The following EPM2A variants were observed in gnomAD, a reference collection of about 807,000 sequenced individuals.
The protein encoded by EPM2A is laforin.
A neutral mutation model predicts 26.5 loss-of-function variants in EPM2A; 21 were observed. That is an observed-to-expected ratio of 0.79 (90% confidence interval 0.56 to 1.14). The LOEUF (loss-of-function observed/expected upper bound fraction) is 1.14. EPM2A is among the 50% of genes most tolerant of loss of function. The pLI is 0.00. For missense variants in EPM2A, 458 were observed against 440.8 expected (o/e 1.04, Z -0.35); for synonymous variants, 217 against 177.6 (o/e 1.22, Z -1.76).
At chr6:145,559,306 C>T (rs867512315) in intron 2 of EPM2A, among the ~76,000 whole-genome samples, 1 of 152,160 alleles carries the variant, frequency 6.6e-6, no homozygotes, top group South Asian at 2.1e-4. Context: ...GACTATAGGT[C>T]CTGGAAAGCC....
intron 1 of EPM2A, among the ~76,000 whole-genome samples, chr6:145,723,800 T>C (rs1459745682): frequency 6.6e-6 from 1 of 152,048 alleles, no homozygotes; most frequent in Non-Finnish European, 1.5e-5. Context: ...AAGTGAGAGT[T>C]AAATACCAGA....
At chr6:145,604,756 G>A (rs1053102295) in intron 2 of EPM2A, among the ~76,000 whole-genome samples, 3 of 152,098 alleles carry the variant, frequency 2.0e-5, no homozygotes, top group African/African-American at 4.8e-5. Context: ...AAGAGAAAAC[G>A]AAGGCAATCT....
rs1483752018 is a variant in EPM2A at position 145,590,441 on chromosome 6, AT to A, written c.340+44803del. On this transcript the variant is annotated intron_variant, in intron 2 of 3. Coordinates refer to the EPM2A transcript ENST00000450221. ...TTAAATGGAGGGCAAAAACTGAAAAATAAAAAAAAAGAAAATTGTGCCATTC... is the reference window on the plus strand; with the variant it reads ...TTAAATGGAGGGCAAAAACTGAAAAAAAAAAAAAAGAAAATTGTGCCATTC... Among the ~76,000 whole-genome samples the A allele has an allele frequency of 7.2e-3, 936 of 130,518 alleles. 5 individuals are homozygous for A. The highest frequency in any genetic ancestry group is 0.017 in the Middle Eastern group (4 of 238). 85.6% of individuals were successfully genotyped at this position (130,518 alleles called of 152,430 possible).
At chr6:145,433,330 C>A (rs1048620578) in intron 4 of EPM2A, among the ~76,000 whole-genome samples, 1 of 152,140 alleles carries the variant, frequency 6.6e-6, no homozygotes, top group Non-Finnish European at 1.5e-5. Flanking sequence ...GAAAAGCTTT[C>A]ACCGGGCTTA....
At chr6:145,661,284 G>A (rs1778688525) in intron 2 of EPM2A, among the ~76,000 whole-genome samples, 1 of 152,170 alleles carries the variant, frequency 6.6e-6, no homozygotes, top group South Asian at 2.1e-4. Context: ...TTTGAAGTGT[G>A]AATTAACTGG....
chr6:145,444,923 T>C (rs990422567), intron 4 of EPM2A, among the ~76,000 whole-genome samples: 1 of 92,628 alleles, frequency 1.1e-5, no homozygotes, highest in Non-Finnish European at 2.8e-5. Context: ...TTTTAGAAAA[T>C]TTAGATTTTT....
chr6:145,416,115 T>C (rs976335637), intron 4 of EPM2A, among the ~76,000 whole-genome samples: 2 of 152,160 alleles, frequency 1.3e-5, no homozygotes, highest in African/African-American at 4.8e-5. Flanking sequence ...ATGGGTACAC[T>C]TGTCAGCAAA....
rs186491750 is a variant in EPM2A, at chr6:145,683,538, G to A, written c.476+2584C>T. On this transcript the variant is annotated intron_variant, in intron 2 of 3. Transcript: ENST00000367519. ...GTTGCTTTAAAGAAAATAAAGAAAC[G>A]TACGCTTTCTTGCACAGTTGAGTAT... is the stretch of plus-strand genomic sequence containing the variant. 2.2e-3 allele frequency among the ~76,000 whole-genome samples: 336 copies of A among 152,042 alleles called. 1 individual carries two copies. Among genetic ancestry groups the A allele is most frequent in the Admixed American group, 3.4e-3 (52 of 15,234 alleles).
At chr6:145,427,677 A>G (rs1778869380) in intron 4 of EPM2A, among the ~76,000 whole-genome samples, 1 of 152,218 alleles carries the variant, frequency 6.6e-6, no homozygotes, top group Non-Finnish European at 1.5e-5. Flanking sequence ...CTATTCAATT[A>G]GCACAAGAAA....
At chr6:145,644,206 T>G (rs1438472889) in intron 2 of EPM2A, among the ~76,000 whole-genome samples, 2 of 152,240 alleles carry the variant, frequency 1.3e-5, no homozygotes, top group Non-Finnish European at 2.9e-5. Flanking sequence ...ATTGTATCTC[T>G]GTTGTTAATG....
intron 2 of EPM2A, among the ~76,000 whole-genome samples, chr6:145,647,781 T>C (rs1300197082): frequency 1.3e-5 from 2 of 152,184 alleles, no homozygotes; most frequent in African/African-American, 4.8e-5. Context: ...CAAGATATTC[T>C]AGAGGGTTCA....
intron 4 of EPM2A, among the ~76,000 whole-genome samples, chr6:145,450,350 CAAAAAAAA>C (rs368618860): frequency 0.023 from 1,465 of 62,516 alleles, 23 homozygotes; most frequent in African/African-American, 0.096. Context: ...GACTCCGTCT[CAAAAAAAA>C]AAAAAAAAAA....
intron 2 of EPM2A, among the ~76,000 whole-genome samples, chr6:145,526,257 C>G (rs1458661309): frequency 6.6e-6 from 1 of 151,680 alleles, no homozygotes; most frequent in African/African-American, 2.4e-5. Context: ...TTTCTTTTCC[C>G]TGGGTCCTTC....
intron 2 of EPM2A, among the ~76,000 whole-genome samples, chr6:145,547,807 A>C (rs1780605261): frequency 6.6e-6 from 1 of 152,132 alleles, no homozygotes; most frequent in Non-Finnish European, 1.5e-5. Flanking sequence ...AGGAATGATG[A>C]AAATGTGTGT....
At chr6:145,669,391 C>A (rs1293733885) in intron 2 of EPM2A, among the ~76,000 whole-genome samples, 3 of 152,104 alleles carry the variant, frequency 2.0e-5, no homozygotes, top group Admixed American at 6.5e-5. Flanking sequence ...CCCATCTGTT[C>A]CACAAAAGAG....
chr6:145,723,937 A>C (rs73566140), intron 1 of EPM2A, among the ~76,000 whole-genome samples: 10,156 of 152,206 alleles, frequency 0.067, 1,143 homozygotes, highest in African/African-American at 0.23. Context: ...GAACAAACAG[A>C]AAGAAAAGAA....
intron 4 of EPM2A, among the ~76,000 whole-genome samples, chr6:145,468,290 A>T (rs1172198108): frequency 2.0e-5 from 3 of 152,160 alleles, no homozygotes; most frequent in African/African-American, 7.2e-5. Flanking sequence ...CTGTGCATGA[A>T]TAGCAATACT....
intron 1 of EPM2A, among the ~76,000 whole-genome samples, chr6:145,711,434 G>A (rs1459709696): frequency 1.3e-5 from 2 of 152,058 alleles, no homozygotes; most frequent in African/African-American, 4.8e-5. Flanking sequence ...AATGAGTTGA[G>A]GTTTGAATAT....
At chr6:145,601,788 C>G (rs1245089589) in intron 2 of EPM2A, among the ~76,000 whole-genome samples, 1 of 152,270 alleles carries the variant, frequency 6.6e-6, no homozygotes, top group African/African-American at 2.4e-5. Flanking sequence ...AGTCATGTGA[C>G]CTCTTTTTGC....
Sources: gnomAD v4.1 joint callset for allele counts (sites outside exome capture counted in the v4.1 genomes callset) on GRCh38, gnomAD v4.1.1 for gene constraint, MANE v1.5 for transcripts, NCBI Gene and HGNC (gene_info 2026-07-23, HGNC 2026-07-21) for gene names.